PTPRT: variants seen among roughly 807,000 people sequenced by gnomAD.
PTPRT encodes the protein receptor-type tyrosine-protein phosphatase T.
A neutral mutation model predicts 176.8 loss-of-function variants in PTPRT; 56 were observed. The ratio of observed to expected loss-of-function variants is 0.32; its 90% CI spans 0.26 to 0.40. PTPRT has a LOEUF of 0.40. Ranked by LOEUF, PTPRT falls within the 10% of genes least tolerant of loss-of-function variation. The pLI, the probability that PTPRT is intolerant of heterozygous loss-of-function variation, is 1.00. For missense variants in PTPRT, 1,540 were observed against 1,908.2 expected, an observed-to-expected ratio of 0.81 and a Z score of 3.60; for synonymous variants, 783 against 739.0, an observed-to-expected ratio of 1.06 and a Z score of -0.96.
At chr20:42,247,866 G>A (rs2056482252) in intron 14 of PTPRT, among the ~76,000 whole-genome samples, 1 of 152,148 alleles carries the variant, frequency 6.6e-6, no homozygotes, top group South Asian at 2.1e-4. Context: ...AATAACCAGT[G>A]CACCCTGTGG....
At chr20:43,083,345 T>TACAC (rs1555828966) in intron 1 of PTPRT, among the ~76,000 whole-genome samples, 2 of 117,374 alleles carry the variant, frequency 1.7e-5, no homozygotes, top group Admixed American at 9.2e-5. Context: ...TATATATATA[T>TACAC]ATATATATAT....
chr20:42,366,894 T>C (rs1360997090), intron 9 of PTPRT, among the ~76,000 whole-genome samples: 1 of 152,190 alleles, frequency 6.6e-6, no homozygotes, highest in Non-Finnish European at 1.5e-5. Flanking sequence ...TAGGCACCCA[T>C]TGGAGGGAAA....
At chr20:42,257,931 A>G (rs2056676893) in intron 13 of PTPRT, among the ~76,000 whole-genome samples, 1 of 151,896 alleles carries the variant, frequency 6.6e-6, no homozygotes, top group Non-Finnish European at 1.5e-5. Context: ...CCTCTGAGAG[A>G]CTAAGTAATG....
intron 9 of PTPRT, among the ~76,000 whole-genome samples, chr20:42,423,915 A>G (rs2059141474): frequency 6.6e-6 from 1 of 152,232 alleles, no homozygotes; most frequent in Non-Finnish European, 1.5e-5. Context: ...ATGTATATAG[A>G]CAGGTACTAG....
intron 7 of PTPRT, among the ~76,000 whole-genome samples, chr20:42,545,570 AAG>A (rs1163753570): frequency 1.3e-5 from 2 of 152,182 alleles, no homozygotes; most frequent in Non-Finnish European, 2.9e-5. Flanking sequence ...CCTACCCAGA[AAG>A]AGTCTTCTCT....
At chr20:43,006,087 T>C (rs1050349111) in intron 1 of PTPRT, among the ~76,000 whole-genome samples, 1 of 152,214 alleles carries the variant, frequency 6.6e-6, no homozygotes, top group African/African-American at 2.4e-5. Context: ...AGAGGAAGCA[T>C]ATATTACAAA....
At chr20:43,152,011 G>A (rs1033053061) in intron 1 of PTPRT, among the ~76,000 whole-genome samples, 1 of 152,180 alleles carries the variant, frequency 6.6e-6, no homozygotes, top group Non-Finnish European at 1.5e-5. Flanking sequence ...ATAGTATAAA[G>A]AATTTGGAGC....
intron 1 of PTPRT, among the ~76,000 whole-genome samples, chr20:43,033,267 C>T (rs1352048554): frequency 6.6e-6 from 1 of 152,200 alleles, no homozygotes; most frequent in Non-Finnish European, 1.5e-5. Flanking sequence ...CTCTGGGTCT[C>T]TCTCCTGATG....
At chr20:42,907,600 C>T (rs6072899) in intron 1 of PTPRT, among the ~76,000 whole-genome samples, 3 of 152,042 alleles carry the variant, frequency 2.0e-5, no homozygotes, top group African/African-American at 4.8e-5. Context: ...GGAGGAATTT[C>T]GGAAAACCCA....
the PTPRT span, among the ~76,000 whole-genome samples, chr20:42,033,553 G>A: frequency 2.6e-5 from 4 of 152,060 alleles, no homozygotes; most frequent in Non-Finnish European, 5.9e-5. Context: ...CCTGTAAAAG[G>A]CTCCTACCCC....
At chr20:42,614,976 T>C (rs1429316385) in intron 7 of PTPRT, among the ~76,000 whole-genome samples, 1 of 148,384 alleles carries the variant, frequency 6.7e-6, no homozygotes, top group Non-Finnish European at 1.5e-5. Context: ...AGGGTACATG[T>C]GCACATTGTG....
At chr20:42,176,958 A>G (rs1237210793) in intron 16 of PTPRT, among the ~76,000 whole-genome samples, 2 of 152,228 alleles carry the variant, frequency 1.3e-5, no homozygotes, top group Non-Finnish European at 2.9e-5. Flanking sequence ...GATATTATGA[A>G]CTACAAAGAC....
At chr20:42,330,787 A>G (rs536301167) in intron 11 of PTPRT, among the ~76,000 whole-genome samples, 3 of 152,312 alleles carry the variant, frequency 2.0e-5, no homozygotes, top group South Asian at 4.1e-4. Context: ...GTGCTAACCA[A>G]CAGAAGCAAG....
At chr20:42,888,166 C>T (rs1449227791) in intron 1 of PTPRT, among the ~76,000 whole-genome samples, 3 of 152,172 alleles carry the variant, frequency 2.0e-5, no homozygotes, top group African/African-American at 7.2e-5. Context: ...TATCTCTACT[C>T]TGTAGAGGAA....
At chr20:42,149,714 G>A (rs1399518665) in intron 17 of PTPRT, among the ~76,000 whole-genome samples, 2 of 152,292 alleles carry the variant, frequency 1.3e-5, no homozygotes, top group East Asian at 1.9e-4. Context: ...GTGAGCCACC[G>A]CGCCTGACCC....
At chr20:42,978,368 A>C (rs534415308) in intron 1 of PTPRT, among the ~76,000 whole-genome samples, 79 of 152,346 alleles carry the variant, frequency 5.2e-4, no homozygotes, top group African/African-American at 1.8e-3. Context: ...AAACCACAGA[A>C]AGCAAAACTG....
At chr20:42,085,919 A>T in intron 27 of PTPRT, 66 bp from the exon 28 acceptor site, 1 of 1,463,184 alleles carries the variant, frequency 6.8e-7, no homozygotes, top group Non-Finnish European at 9.3e-7. Flanking sequence ...AGTCTCATTT[A>T]TCAACAAGCT....
intron 6 of PTPRT, among the ~76,000 whole-genome samples, chr20:42,729,613 C>T (rs533086572): frequency 9.9e-5 from 15 of 152,214 alleles, no homozygotes; most frequent in African/African-American, 2.2e-4. Flanking sequence ...GGCTATATAA[C>T]GAGAAAGCTG....
At chr20:42,661,207 A>G (rs1401389869) in intron 7 of PTPRT, among the ~76,000 whole-genome samples, 2 of 152,140 alleles carry the variant, frequency 1.3e-5, no homozygotes, top group Non-Finnish European at 2.9e-5. Context: ...TAGACCAACA[A>G]GGTCCTTTGC....
Sources: allele counts gnomAD v4.1 joint callset (sites outside exome capture counted in the v4.1 genomes callset), GRCh38; gene constraint gnomAD v4.1.1; transcripts MANE v1.5; gene names NCBI Gene and HGNC (gene_info 2026-07-23, HGNC 2026-07-21).